Variants in ZNF33A observed in about 807,000 individuals in gnomAD.
ZNF33A encodes the protein zinc finger protein 33A, also known as brain my041 protein.
In ZNF33A, 9 loss-of-function variants were observed where a neutral mutation model predicts 15.9. The observed-to-expected ratio is 0.57, with a 90% confidence interval of 0.34 to 0.99. ZNF33A has a LOEUF of 0.99. Ranked by LOEUF, ZNF33A falls within the 50% of genes least tolerant of loss-of-function variation. ZNF33A has a pLI of 0.02. For synonymous variants in ZNF33A, 294 were observed against 324.2 expected, an observed-to-expected ratio of 0.91 and a Z score of 1.00; for missense variants, 843 against 941.6, an observed-to-expected ratio of 0.90 and a Z score of 1.37.
intron 4 of ZNF33A, among the ~76,000 whole-genome samples, chr10:38,035,983 G>C (rs1444656290): frequency 2.6e-5 from 4 of 152,110 alleles, no homozygotes; most frequent in Non-Finnish European, 4.4e-5. Context: ...TTTGTAAAAG[G>C]CTGTTTTTTC....
chr10:38,036,125 A>C (rs1176631045), intron 4 of ZNF33A, among the ~76,000 whole-genome samples: 1 of 152,132 alleles, frequency 6.6e-6, no homozygotes, highest in Non-Finnish European at 1.5e-5. Flanking sequence ...GTGACCACTC[A>C]AGGCTGGTCA....
intron 4 of ZNF33A, among the ~76,000 whole-genome samples, chr10:38,038,622 A>G (rs1391563132): frequency 6.6e-6 from 1 of 152,144 alleles, no homozygotes; most frequent in Non-Finnish European, 1.5e-5. Flanking sequence ...CTCCTGTGTG[A>G]TGTGTAACCA....
chr10:38,011,369 G>C (rs866922715), intron 1 of ZNF33A, among the ~76,000 whole-genome samples: 24 of 152,280 alleles, frequency 1.6e-4, no homozygotes, highest in Middle Eastern at 3.4e-3. Context: ...TGGATCACCT[G>C]AGGTCAGAAA....
chr10:38,013,805 T>G (rs1313170986), intron 2 of ZNF33A, among the ~76,000 whole-genome samples: 1 of 152,036 alleles, frequency 6.6e-6, no homozygotes, highest in Non-Finnish European at 1.5e-5. Flanking sequence ...ATTTTAAATA[T>G]AGAACTTAAT....
At chr10:38,047,887 C>A (rs2066026628) in intron 4 of ZNF33A, among the ~76,000 whole-genome samples, 1 of 152,054 alleles carries the variant, frequency 6.6e-6, no homozygotes, top group South Asian at 2.1e-4. Flanking sequence ...AACCAGAATG[C>A]TCTAAATCAG....
chr10:38,054,449 AT>A lies in ZNF33A; in HGVS notation c.326del (p.Ile109ThrfsTer6). 6.2e-7 allele frequency: 1 copy of A among 1,609,766 alleles called. No individual in the cohort carries two copies. Among genetic ancestry groups the A allele is most frequent in the Non-Finnish European group, 8.5e-7 (1 of 1,178,724 alleles). Reference protein sequence around the residue: ...QSKHLWEVVFINNEMLTKEQG... With the variant: ...QSKHLWEVVFXNNEMLTKEQG... ...TAAACATTTGTGGGAAGTTGTATTC[AT>A]CAATAATGAAATGCTGACTAAGGAA... On this transcript the variant is annotated frameshift_variant, in exon 5 of 5. Transcript: ENST00000432900. LOFTEE classifies it high-confidence loss of function.
intron 4 of ZNF33A, among the ~76,000 whole-genome samples, chr10:38,018,863 C>T (rs905169173): frequency 1.2e-4 from 18 of 151,756 alleles, no homozygotes; most frequent in African/African-American, 2.7e-4. Context: ...TACACATTCC[C>T]GAGTCTGAAG....
At chr10:38,018,905 C>T (rs1035481068) in intron 4 of ZNF33A, among the ~76,000 whole-genome samples, 2 of 151,582 alleles carry the variant, frequency 1.3e-5, no homozygotes, top group African/African-American at 4.8e-5. Context: ...CAAACTCACA[C>T]TGTAATTAAA....
downstream of ZNF33A, among the ~76,000 whole-genome samples, chr10:38,061,111 G>A (rs1343004186): frequency 2.0e-5 from 3 of 152,104 alleles, no homozygotes; most frequent in African/African-American, 7.2e-5. Context: ...ATCACTGGCT[G>A]CATGGAACAT....
intron 4 of ZNF33A, among the ~76,000 whole-genome samples, chr10:38,053,895 C>T (rs1446027413): frequency 6.6e-6 from 1 of 152,182 alleles, no homozygotes; most frequent in East Asian, 1.9e-4. Flanking sequence ...CAGTCTCTGG[C>T]TGACTCTCTT....
intron 4 of ZNF33A, among the ~76,000 whole-genome samples, chr10:38,031,156 A>G (rs1016868884): frequency 1.3e-5 from 2 of 152,260 alleles, no homozygotes; most frequent in African/African-American, 2.4e-5. Context: ...GATTGAATAA[A>G]TCAATGTCAG....
rs185500329 is a variant in ZNF33A, at chr10:38,019,426, A to G, written c.250+2040A>G. ...TTGGTTCCAAGTCTTTGCTATTGTGAATAGTGCCGCTATAAACATACGTGT... is the reference window on the plus strand; with the variant it reads ...TTGGTTCCAAGTCTTTGCTATTGTGGATAGTGCCGCTATAAACATACGTGT... On this transcript the variant is annotated intron_variant, in intron 4 of 4. Coordinates refer to ENST00000432900, the MANE Select transcript of ZNF33A (RefSeq NM_006954.2). 3.5e-3 allele frequency among the ~76,000 whole-genome samples: 529 copies of G among 152,284 alleles called. 13 individuals carry two copies. The highest frequency in any genetic ancestry group is 0.032 in the Admixed American group (485 of 15,288).
At chr10:38,066,577 C>T (rs1243356029), downstream of ZNF33A, among the ~76,000 whole-genome samples, 1 of 151,434 alleles carries the variant, frequency 6.6e-6, no homozygotes, top group Admixed American at 6.6e-5. Flanking sequence ...TCCATTATTC[C>T]ACTCAAAGTA....
rs535420748 is a variant in ZNF33A, at chr10:38,024,856, A to C, written c.250+7470A>C. ...CTGTCCTGTCCCAGGACATGAATCA[A>C]CCCTATGTCTAGCATACCCAGGCTG... is the stretch of plus-strand genomic sequence containing the variant. On this transcript the variant is annotated intron_variant, in intron 4 of 4. Transcript: ENST00000432900. Among the ~76,000 whole-genome samples the C allele has an allele frequency of 7.2e-5, 11 of 152,310 alleles. No individual in the cohort carries two copies. In the East Asian group the frequency reaches 2.1e-3, roughly 29 times the overall value.
intron 4 of ZNF33A, among the ~76,000 whole-genome samples, chr10:38,018,139 A>T (rs2064553703): frequency 1.3e-5 from 2 of 152,206 alleles, no homozygotes; most frequent in African/African-American, 4.8e-5. Flanking sequence ...GCCTCTAAGT[A>T]TATTATGTAT....
intron 4 of ZNF33A, among the ~76,000 whole-genome samples, chr10:38,032,786 C>T (rs1248416199): frequency 6.6e-6 from 1 of 151,466 alleles, no homozygotes; most frequent in Non-Finnish European, 1.5e-5. Flanking sequence ...CTTACTCTGT[C>T]GCTCAGGCTG....
intron 4 of ZNF33A, among the ~76,000 whole-genome samples, chr10:38,023,565 A>G (rs552988488): frequency 3.3e-4 from 51 of 152,342 alleles, no homozygotes; most frequent in Middle Eastern, 6.8e-3. Flanking sequence ...TGCAATATCC[A>G]TCCATGATAA....
chr10:38,021,886 T>A (rs117212818), intron 4 of ZNF33A, among the ~76,000 whole-genome samples: 2 of 152,106 alleles, frequency 1.3e-5, no homozygotes, highest in South Asian at 2.1e-4. Context: ...GACTTCTAAA[T>A]AAAGTCTGGA....
At position 38,057,884 on chromosome 10, in the gene ZNF33A, T is replaced by C; in HGVS notation, c.*1324T>C. 2.0e-6 allele frequency: 2 copies of C among 985,474 alleles called. No individual in the cohort carries two copies. Among genetic ancestry groups the C allele is most frequent in the Non-Finnish European group, 2.4e-6 (2 of 829,962 alleles). The allele number at this position is 985,474 out of a possible 1,614,324, so 61.0% of individuals were successfully genotyped here. A position where few individuals can be genotyped will look rare whatever the true frequency, so the allele number is the denominator to read the frequency against. ...TGTTGGACTGTCATTTCAAGGCTCA[T>C]TGTCCCCAGACAGGGATCTGGGCCC... On this transcript the variant is annotated 3_prime_UTR_variant, in exon 5 of 5. Transcript: ENST00000432900.
Sources: gnomAD v4.1 joint callset for allele counts (sites outside exome capture counted in the v4.1 genomes callset) on GRCh38, gnomAD v4.1.1 for gene constraint, MANE v1.5 for transcripts, NCBI Gene and HGNC (gene_info 2026-07-23, HGNC 2026-07-21) for gene names.